The following SLC17A1 variants were observed in gnomAD, a reference collection of about 807,000 sequenced individuals.
The protein encoded by SLC17A1 is solute carrier family 17 member 1, also known as sodium-dependent phosphate transport protein 1.
SLC17A1 carries 51 observed loss-of-function variants against 53.5 expected under a neutral mutation model. The ratio of observed to expected loss-of-function variants is 0.95; its 90% CI spans 0.76 to 1.20. The LOEUF (loss-of-function observed/expected upper bound fraction) is 1.20. Ranked by LOEUF, SLC17A1 falls within the 50% of genes most tolerant of loss-of-function variation. The pLI, the probability that SLC17A1 is intolerant of heterozygous loss-of-function variation, is 0.00. For synonymous variants in SLC17A1, 179 were observed against 198.8 expected, an observed-to-expected ratio of 0.90 and a Z score of 0.84; for missense variants, 538 against 568.2, an observed-to-expected ratio of 0.95 and a Z score of 0.54.
At chr6:25,814,366 C>G (rs1764262875) in intron 6 of SLC17A1, among the ~76,000 whole-genome samples, 2 of 152,164 alleles carry the variant, frequency 1.3e-5, no homozygotes, top group African/African-American at 4.8e-5. Context: ...TTTATTCAAT[C>G]AACTTCCCAA....
intron 1 of SLC17A1, among the ~76,000 whole-genome samples, chr6:25,830,991 T>C (rs1190132099): frequency 1.3e-5 from 2 of 152,210 alleles, no homozygotes; most frequent in South Asian, 4.2e-4. Context: ...CTCGGCAGTA[T>C]GAAAAGAAAG....
Position 25,811,723 on chromosome 6 carries a change from A to G in SLC17A1, c.945T>C (p.Gly315=). 1.2e-6 allele frequency: 2 copies of G among 1,613,852 alleles called. No individual in the cohort carries two copies. The highest frequency in any genetic ancestry group is 1.7e-6 in the Non-Finnish European group (2 of 1,179,774). The change falls in exon 9 of 13, where the codon GGT becomes GGC. Residue 315 remains glycine, a synonymous_variant. Transcript: ENST00000244527. ...SLPYLFAWIC[G]NLAGQLSDFF... is the part of the protein sequence containing the mutation. ...AGTCTGATAACTGACCTGCTAGGTTACCACAGATCCAGGCAAACAAATAGG... is the reference window on the plus strand; with the variant it reads ...AGTCTGATAACTGACCTGCTAGGTTGCCACAGATCCAGGCAAACAAATAGG...
At chr6:25,817,749 T>C (rs1282869394) in intron 6 of SLC17A1, among the ~76,000 whole-genome samples, 1 of 152,228 alleles carries the variant, frequency 6.6e-6, no homozygotes, top group Admixed American at 6.5e-5. Flanking sequence ...TTTCTGTATA[T>C]TTGGGTTAGT....
chr6:25,815,541 A>G (rs1398483360), intron 6 of SLC17A1, among the ~76,000 whole-genome samples: 1 of 151,962 alleles, frequency 6.6e-6, no homozygotes, highest in Non-Finnish European at 1.5e-5. Context: ...CTCATTTCCA[A>G]CTTAGCCCTT....
the SLC17A1 span, among the ~76,000 whole-genome samples, chr6:25,746,696 C>T: frequency 6.6e-6 from 1 of 152,166 alleles, no homozygotes; most frequent in East Asian, 1.9e-4. Context: ...CAGTATCATA[C>T]TTTTGGATGA....
Position 25,812,919 on chromosome 6 carries a change from C to A in SLC17A1, c.809G>T (p.Gly270Val). 1 of 1,613,650 alleles carries A rather than the reference C, an allele frequency of 6.2e-7. No individual in the cohort carries two copies. The highest frequency in any genetic ancestry group is 8.5e-7 in the Non-Finnish European group (1 of 1,179,578). The change falls in exon 8 of 13, where the codon GGT becomes GTT. Residue 270 changes from glycine to valine, a missense_variant. Gly to Val is a moderately radical substitution (Grantham distance 109). Transcript: ENST00000244527. ...KSLPVWAIST[G>V]SFTFFWSHNI... ...ATGTGACCAGAAAAACGTAAAACTACCAGTGGAAATAGCCCAGACTGGAAG... is the reference window on the plus strand; with the variant it reads ...ATGTGACCAGAAAAACGTAAAACTAACAGTGGAAATAGCCCAGACTGGAAG...
At chr6:25,794,766 C>A (rs944940347) in intron 12 of SLC17A1, among the ~76,000 whole-genome samples, 2 of 152,134 alleles carry the variant, frequency 1.3e-5, no homozygotes, top group African/African-American at 4.8e-5. Flanking sequence ...CTGGGTGAGG[C>A]TGGGTAGGAG....
At chr6:25,806,854 G>C (rs1763972624) in intron 10 of SLC17A1, among the ~76,000 whole-genome samples, 1 of 151,892 alleles carries the variant, frequency 6.6e-6, no homozygotes, top group African/African-American at 2.4e-5. Context: ...TCATCAAAAA[G>C]TGGGCAATTG....
chr6:25,768,256 C>A, the SLC17A1 span: 1 of 380,964 alleles, frequency 2.6e-6, no homozygotes. Context: ...ATTCCAAGAG[C>A]ATTTGCTCCC....
the SLC17A1 span, among the ~76,000 whole-genome samples, chr6:25,768,085 C>T: frequency 6.6e-6 from 1 of 152,204 alleles, no homozygotes; most frequent in Non-Finnish European, 1.5e-5. Context: ...TTAATTTAAT[C>T]TGTCATATCA....
chr6:25,732,879 G>GAAACAA, the SLC17A1 span: 48,459 of 216,230 alleles, frequency 0.22, 7,950 homozygotes, highest in East Asian at 0.65. Flanking sequence ...ATGTCTAGAA[G>GAAACAA]AAACAAAAAC....
intron 10 of SLC17A1, among the ~76,000 whole-genome samples, chr6:25,803,069 T>A (rs1056515706): frequency 6.8e-6 from 1 of 148,120 alleles, no homozygotes; most frequent in Non-Finnish European, 1.5e-5. Flanking sequence ...GCCTCAGCCT[T>A]CCGAGTAGCT....
chr6:25,776,247 C>T, the SLC17A1 span, among the ~76,000 whole-genome samples: 56 of 152,114 alleles, frequency 3.7e-4, no homozygotes, highest in East Asian at 9.9e-3. Context: ...AGTTGGATAC[C>T]TTTTAACATG....
intron 12 of SLC17A1, among the ~76,000 whole-genome samples, chr6:25,789,125 A>C (rs1581447522): frequency 6.6e-6 from 1 of 152,156 alleles, no homozygotes; most frequent in Non-Finnish European, 1.5e-5. Flanking sequence ...ATTCTCAAAC[A>C]TTAAGAGGAA....
At chr6:25,726,399 C>T in the SLC17A1 span, 12 of 1,614,082 alleles carry the variant, frequency 7.4e-6, no homozygotes, top group African/African-American at 2.7e-5. Context: ...CTGCCCCTAT[C>T]CGCTCTGCAT....
chr6:25,805,909 G>T (rs974950435), intron 10 of SLC17A1, among the ~76,000 whole-genome samples: 6 of 151,804 alleles, frequency 4.0e-5, no homozygotes, highest in Non-Finnish European at 7.4e-5. Flanking sequence ...CAACAACAAA[G>T]CCCAGGGCCA....
chr6:25,819,695 T>C lies in SLC17A1; in HGVS notation c.428A>G (p.Gln143Arg). The change falls in exon 4 of 13, where the codon CAG becomes CGG. Residue 143 changes from glutamine to arginine, a missense_variant. Gln to Arg is a conservative substitution (Grantham distance 43). Transcript: ENST00000244527. ...TTATTTTAATACCTGGGCTGCTCCC[T>C]GAACTGCTCGACATACAACGACCCA... ...VAWVVVCRAV[Q>R]GAAQGIVATA... is the part of the protein sequence containing the mutation. 5 of 1,614,184 alleles carry C rather than the reference T, an allele frequency of 3.1e-6. No individual in the cohort carries two copies. Among genetic ancestry groups the C allele is most frequent in the Non-Finnish European group, 4.2e-6 (5 of 1,180,008 alleles).
At chr6:25,776,960 G>A in the SLC17A1 span, 1 of 1,608,736 alleles carries the variant, frequency 6.2e-7, no homozygotes, top group Non-Finnish European at 8.5e-7. Flanking sequence ...TTGCTCCTCG[G>A]TAGGGACCTC....
intron 12 of SLC17A1, among the ~76,000 whole-genome samples, chr6:25,793,269 A>G (rs570534317): frequency 6.6e-6 from 1 of 152,304 alleles, no homozygotes; most frequent in East Asian, 1.9e-4. Context: ...CTAGATTAAG[A>G]ATCCCTGCTT....
Sources: allele counts gnomAD v4.1 joint callset (sites outside exome capture counted in the v4.1 genomes callset), GRCh38; gene constraint gnomAD v4.1.1; transcripts MANE v1.5; gene names NCBI Gene and HGNC (gene_info 2026-07-23, HGNC 2026-07-21).